Variants in DLG1 observed in about 807,000 individuals in gnomAD.
The protein encoded by DLG1 is discs large MAGUK scaffold protein 1, also known as disks large homolog 1.
DLG1 carries 42 observed loss-of-function variants against 123.4 expected under a neutral mutation model. That is an observed-to-expected ratio of 0.34 (90% CI 0.27 to 0.44). DLG1 has a LOEUF of 0.44. Among genes scored for constraint, DLG1 ranks in the 20% least tolerant of loss-of-function variants. DLG1 has a pLI of 1.00. For synonymous variants in DLG1, 317 were observed against 356.2 expected (o/e 0.89, Z 1.24); for missense variants, 942 against 1,082.6 (o/e 0.87, Z 1.82).
chr3:197,155,423 A>G (rs1795943764), intron 5 of DLG1, among the ~76,000 whole-genome samples: 1 of 152,212 alleles, frequency 6.6e-6, no homozygotes, highest in Non-Finnish European at 1.5e-5. Context: ...AACTGCCCTG[A>G]AAGATGTGCT....
chr3:197,199,883 G>A (rs546463527), intron 4 of DLG1, among the ~76,000 whole-genome samples: 1 of 152,130 alleles, frequency 6.6e-6, no homozygotes, highest in Non-Finnish European at 1.5e-5. Context: ...TGTGATGAGG[G>A]TTAGGGATGA....
At chr3:197,131,393 C>G (rs927557892) in intron 10 of DLG1, among the ~76,000 whole-genome samples, 2 of 151,948 alleles carry the variant, frequency 1.3e-5, no homozygotes, top group African/African-American at 4.8e-5. Context: ...TTTCGTAATA[C>G]TCAAGTTGAT....
At chr3:197,076,288 G>C (rs1458654568) in intron 18 of DLG1, among the ~76,000 whole-genome samples, 1 of 152,188 alleles carries the variant, frequency 6.6e-6, no homozygotes, top group Non-Finnish European at 1.5e-5. Flanking sequence ...TTCTTTGAAT[G>C]TATGAATGTG....
At chr3:197,101,390 C>CTT (rs11368400) in intron 14 of DLG1, among the ~76,000 whole-genome samples, 33 of 146,370 alleles carry the variant, frequency 2.3e-4, no homozygotes, top group South Asian at 8.6e-4. Flanking sequence ...ACAGGAGATT[C>CTT]TTTTTTTTTT....
At chr3:197,085,829 T>C in intron 15 of DLG1, 73 bp from the exon 16 acceptor site, 1 of 1,415,444 alleles carries the variant, frequency 7.1e-7, no homozygotes. Context: ...GTTCTGAAAG[T>C]ATATGTAATT....
intron 5 of DLG1, among the ~76,000 whole-genome samples, chr3:197,181,290 A>G (rs1273404555): frequency 6.6e-6 from 1 of 152,226 alleles, no homozygotes; most frequent in South Asian, 2.1e-4. Flanking sequence ...TGGCTTAGTC[A>G]TATGGAATTA....
intron 14 of DLG1, among the ~76,000 whole-genome samples, chr3:197,102,574 CTACT>C (rs747973377): frequency 1.1e-4 from 17 of 152,296 alleles, no homozygotes; most frequent in Non-Finnish European, 1.0e-4. Context: ...GAATGTGAGG[CTACT>C]TTTAAATTAC....
intron 10 of DLG1, chr3:197,136,212 T>C (rs913260563): frequency 1.6e-5 from 3 of 184,670 alleles, no homozygotes; most frequent in Admixed American, 1.1e-4. Context: ...CATTATACTA[T>C]TAAGTGAAGT....
At chr3:197,268,163 T>C (rs911948872) in intron 4 of DLG1, among the ~76,000 whole-genome samples, 11 of 152,300 alleles carry the variant, frequency 7.2e-5, no homozygotes, top group Non-Finnish European at 1.6e-4. Context: ...CTAAAAATAG[T>C]AATAAGCACA....
chr3:197,089,685 A>T (rs1189085833), intron 15 of DLG1, among the ~76,000 whole-genome samples: 1 of 152,170 alleles, frequency 6.6e-6, no homozygotes, highest in African/African-American at 2.4e-5. Flanking sequence ...GGCAACACCT[A>T]TTAATTATAC....
intron 4 of DLG1, among the ~76,000 whole-genome samples, chr3:197,202,652 G>C (rs1726389114): frequency 1.3e-5 from 2 of 152,250 alleles, no homozygotes; most frequent in South Asian, 4.1e-4. Context: ...GGCAATCAAG[G>C]CAGTATCATC....
intron 5 of DLG1, among the ~76,000 whole-genome samples, chr3:197,164,972 A>C (rs1281209693): frequency 1.3e-5 from 2 of 152,106 alleles, no homozygotes; most frequent in African/African-American, 4.8e-5. Flanking sequence ...TATCATACAG[A>C]AATTTAAAAT....
intron 4 of DLG1, among the ~76,000 whole-genome samples, chr3:197,224,118 TACCA>T (rs1243615990): frequency 6.6e-6 from 1 of 152,160 alleles, no homozygotes; most frequent in East Asian, 1.9e-4. Flanking sequence ...TATCTTTAAT[TACCA>T]AGTTATGTGA....
At chr3:197,090,886 C>A in intron 15 of DLG1, 26 bp downstream of exon 15, 1 of 1,345,736 alleles carries the variant, frequency 7.4e-7, no homozygotes, top group Non-Finnish European at 1.0e-6. Context: ...TTAAGATTTG[C>A]CATAATTAGA....
intron 10 of DLG1, 43 bp downstream of exon 10, chr3:197,136,499 G>T (rs779447392): frequency 2.0e-6 from 3 of 1,532,388 alleles, no homozygotes; most frequent in South Asian, 1.2e-5. Context: ...AAAATAAACA[G>T]ACTACAAAAT....
In DLG1 at chr3:197,291,300, T is replaced by TACACACACACAC. The variant is rs33920543; in HGVS notation, c.151+5034_151+5045dup. Reference sequence around the variant, plus strand: ...CTTACTCAAATCTAGCCTACAAAGTTACACACACACACACACACACACACA... The same window carrying TACACACACACAC: ...CTTACTCAAATCTAGCCTACAAAGTTACACACACACACACACACACACACACACACACACACA... On this transcript the variant is annotated intron_variant, in intron 3 of 24. Coordinates refer to ENST00000667157, the MANE Select transcript of DLG1 (RefSeq NM_001366207.1). 1.7e-3 allele frequency among the ~76,000 whole-genome samples: 240 copies of TACACACACACAC among 143,280 alleles called. 2 individuals are homozygous for TACACACACACAC. In the Middle Eastern group the frequency reaches 0.026, roughly 16 times the overall value. The allele number at this position is 143,280 out of a possible 152,430, so 94.0% of individuals were successfully genotyped here. A position where few individuals can be genotyped will look rare whatever the true frequency, so the allele number is the denominator to read the frequency against.
At chr3:197,223,039 C>T (rs551720135) in intron 4 of DLG1, among the ~76,000 whole-genome samples, 1 of 152,320 alleles carries the variant, frequency 6.6e-6, no homozygotes, top group South Asian at 2.1e-4. Flanking sequence ...GCTAATTCTA[C>T]ACTACAGAGT....
intron 4 of DLG1, among the ~76,000 whole-genome samples, chr3:197,245,921 A>G (rs1254139821): frequency 1.4e-5 from 2 of 147,582 alleles, no homozygotes; most frequent in African/African-American, 2.5e-5. Flanking sequence ...GAGGTGGCAA[A>G]TGAAGGTTAT....
intron 5 of DLG1, among the ~76,000 whole-genome samples, chr3:197,166,615 C>A (rs1219581939): frequency 6.6e-6 from 1 of 152,144 alleles, no homozygotes; most frequent in Non-Finnish European, 1.5e-5. Context: ...CATGGCCGGG[C>A]ACGGAGGCTC....
Sources: gnomAD v4.1 joint callset for allele counts (sites outside exome capture counted in the v4.1 genomes callset) on GRCh38, gnomAD v4.1.1 for gene constraint, MANE v1.5 for transcripts, NCBI Gene and HGNC (gene_info 2026-07-23, HGNC 2026-07-21) for gene names.